Variants in CCDC141 observed in about 807,000 individuals in gnomAD.
CCDC141 encodes coiled-coil domain-containing protein 141.
CCDC141 carries 168 observed loss-of-function variants against 181.0 expected under a neutral mutation model. That is an observed-to-expected ratio of 0.93 (90% CI 0.82 to 1.05). The LOEUF is 1.05. CCDC141 is among the 50% of genes least tolerant of loss of function. CCDC141 has a pLI of 0.00. For missense variants in CCDC141, 1,902 were observed against 1,788.5 expected (o/e 1.06, Z -1.14); for synonymous variants, 666 against 642.3 (o/e 1.04, Z -0.56).
At chr2:178,826,131 A>G (rs1482004725), downstream of CCDC141, among the ~76,000 whole-genome samples, 1 of 152,178 alleles carries the variant, frequency 6.6e-6, no homozygotes, top group Non-Finnish European at 1.5e-5. Context: ...TTTAAAAATT[A>G]TCATGAATAC....
At chr2:179,001,770 C>T (rs1423537310) in intron 2 of CCDC141, 1 of 152,338 alleles carries the variant, frequency 6.6e-6, no homozygotes, top group African/African-American at 2.4e-5. Context: ...TGAATATCTC[C>T]TTCTCAGCCA....
chr2:179,019,559 G>A (rs576900879), intron 2 of CCDC141, among the ~76,000 whole-genome samples: 1 of 152,028 alleles, frequency 6.6e-6, no homozygotes, highest in Admixed American at 6.6e-5. Context: ...CTCATAAACC[G>A]CTTTTATTTT....
At chr2:178,873,398 A>G (rs1686207200) in intron 12 of CCDC141, 1 of 152,114 alleles carries the variant, frequency 6.6e-6, no homozygotes, top group African/African-American at 2.4e-5. Flanking sequence ...ATGATACATA[A>G]TAAATTATGA....
At position 178,950,485 on chromosome 2, in the gene CCDC141, G is replaced by A. The variant is rs541620785; in HGVS notation, c.781-5834C>T. Among the ~76,000 whole-genome samples the A allele has an allele frequency of 2.0e-5, 3 of 152,346 alleles. No individual in the cohort carries two copies. The South Asian group carries it at 6.2e-4, about 32-fold the overall frequency. ...GATTCTAATGCACATTAGAAGAGAT[G>A]CTAAAGCTGTGTTGCTGATGTTTGT... On this transcript the variant is annotated intron_variant, in intron 5 of 23. Transcript: ENST00000443758.
At chr2:179,016,041 C>T (rs1025753831) in intron 2 of CCDC141, among the ~76,000 whole-genome samples, 12 of 148,274 alleles carry the variant, frequency 8.1e-5, no homozygotes, top group African/African-American at 2.7e-4. Flanking sequence ...TAACAGCATT[C>T]ACAATGACCT....
At chr2:179,027,460 C>T (rs188413487) in intron 2 of CCDC141, among the ~76,000 whole-genome samples, 14 of 151,552 alleles carry the variant, frequency 9.2e-5, no homozygotes, top group Admixed American at 5.3e-4. Context: ...CTGGCTAACA[C>T]GGTGAAACCC....
chr2:179,030,409 C>T (rs918027546), intron 2 of CCDC141, among the ~76,000 whole-genome samples: 1 of 152,066 alleles, frequency 6.6e-6, no homozygotes, highest in East Asian at 1.9e-4. Flanking sequence ...TTTGGCCTCC[C>T]GTGTTGTTAT....
In CCDC141 at chr2:178,837,430, T is replaced by C; in HGVS notation, c.3789A>G (p.Glu1263=). 1 of 1,614,092 alleles carries C rather than the reference T, an allele frequency of 6.2e-7. No individual in the cohort carries two copies. ...AGGCAACAGGTGGTGGAAGAACAGA[T>C]TCCTGGGCATCCCCTGGGCTGCTGG... ...AGTSSPGDAQ[E]SVLPPPVAFA... The change falls in exon 23 of 24, where the codon GAA becomes GAG. Residue 1263 remains glutamate, a synonymous_variant. Transcript: ENST00000443758.
In CCDC141 at chr2:178,878,058, C is replaced by A. The variant is rs1474551800; in HGVS notation, c.1805G>T (p.Cys602Phe). The change falls in exon 12 of 24, where the codon TGT becomes TTT. Residue 602 changes from cysteine to phenylalanine, a missense_variant. Transcript: ENST00000443758. ...CCACTGCTTCTCAGCCGAGTCAGAA[C>A]AATGCTTGGCTTTAGCATCATCCTG... is the stretch of plus-strand genomic sequence containing the variant. The part of the protein sequence containing the change: ...KEQDDAKAKH[C>F]SDSAEKQWQL... The A allele has an allele frequency of 1.2e-6, 2 of 1,613,644 alleles. No homozygotes were observed. The highest frequency in any genetic ancestry group is 1.7e-5 in the Admixed American group (1 of 59,970).
chr2:178,980,492 G>A (rs1466180069), intron 2 of CCDC141, among the ~76,000 whole-genome samples: 3 of 152,098 alleles, frequency 2.0e-5, no homozygotes, highest in African/African-American at 7.2e-5. Flanking sequence ...TCCTAATTTT[G>A]TTAGAACTCT....
intron 7 of CCDC141, among the ~76,000 whole-genome samples, chr2:178,908,311 C>CA (rs1688070306): frequency 6.6e-6 from 1 of 152,140 alleles, no homozygotes. Context: ...TCTCGTGCCT[C>CA]AGCCTCCCGA....
chr2:178,883,509 G>A (rs1430473217), intron 11 of CCDC141, among the ~76,000 whole-genome samples: 5 of 152,184 alleles, frequency 3.3e-5, no homozygotes, highest in Non-Finnish European at 7.4e-5. Flanking sequence ...GGATGCAGTG[G>A]TGAATTGAGA....
chr2:178,905,492 C>T lies in CCDC141; in HGVS notation c.1102G>A (p.Val368Ile). Residue 368 changes from valine to isoleucine, a missense_variant, in exon 8 of 24, where the codon GTA (valine) becomes ATA (isoleucine). By Grantham distance (29) the Val-to-Ile change is conservative. Transcript: ENST00000443758. ...AGGTAAGCTTCAACTCTTCCAAGTA[C>T]ATCAAATGCCTGCCAAAGAAAACAT... ...FFNSANKAFD[V>I]LGRVEAYLKL... 2 of 1,541,984 alleles carry T rather than the reference C, an allele frequency of 1.3e-6. No individual in the cohort carries two copies. Among genetic ancestry groups the T allele is most frequent in the South Asian group, 2.4e-5 (2 of 81,688 alleles).
At chr2:178,962,586 C>T (rs1190638976) in intron 4 of CCDC141, among the ~76,000 whole-genome samples, 3 of 151,998 alleles carry the variant, frequency 2.0e-5, no homozygotes, top group African/African-American at 7.2e-5. Context: ...CTCTTTCCCT[C>T]CCCTTCTTTC....
chr2:178,919,712 CTG>C (rs1688604043), intron 6 of CCDC141, among the ~76,000 whole-genome samples: 1 of 152,196 alleles, frequency 6.6e-6, no homozygotes, highest in African/African-American at 2.4e-5. Flanking sequence ...TGTCTTATGA[CTG>C]TTGTTTTTGT....
chr2:178,978,448 G>C, intron 3 of CCDC141, 36 bp downstream of exon 3: 1 of 1,303,168 alleles, frequency 7.7e-7, no homozygotes, highest in Non-Finnish European at 1.0e-6. Context: ...CATTTGCTCT[G>C]ATGTGGGGAA....
intron 2 of CCDC141, among the ~76,000 whole-genome samples, chr2:179,032,970 A>G (rs1047213318): frequency 4.1e-5 from 6 of 146,418 alleles, no homozygotes; most frequent in Admixed American, 2.7e-4. Flanking sequence ...TTACACATTT[A>G]TACATTATTA....
intron 7 of CCDC141, among the ~76,000 whole-genome samples, chr2:178,908,256 G>A (rs565777399): frequency 3.3e-5 from 5 of 152,072 alleles, no homozygotes; most frequent in Admixed American, 6.5e-5. Flanking sequence ...CTGCAGTGGC[G>A]CCATCTCAGC....
chr2:178,974,021 A>G (rs1691015271), intron 4 of CCDC141, among the ~76,000 whole-genome samples: 1 of 152,194 alleles, frequency 6.6e-6, no homozygotes, highest in African/African-American at 2.4e-5. Context: ...GAAATTATAT[A>G]TATGTATTTG....
Sources: gnomAD v4.1 joint callset for allele counts (sites outside exome capture counted in the v4.1 genomes callset) on GRCh38, gnomAD v4.1.1 for gene constraint, MANE v1.5 for transcripts, NCBI Gene and HGNC (gene_info 2026-07-23, HGNC 2026-07-21) for gene names.